KIRREL3: variants seen among roughly 807,000 people sequenced by gnomAD.
The protein encoded by KIRREL3 is kirre like nephrin family adhesion molecule 3, also known as kin of IRRE-like protein 3.
Under a neutral mutation model 89.7 loss-of-function variants are expected in KIRREL3, and 36 were observed. The observed-to-expected ratio is 0.40, with a 90% confidence interval of 0.31 to 0.53. The LOEUF (loss-of-function observed/expected upper bound fraction) is 0.53. KIRREL3 is among the 20% of genes least tolerant of loss of function. The pLI, the probability that KIRREL3 is intolerant of heterozygous loss-of-function variation, is 0.49. For synonymous variants in KIRREL3, 445 were observed against 441.4 expected (o/e 1.01, Z -0.10); for missense variants, 864 against 1,056.6 (o/e 0.82, Z 2.53).
intron 2 of KIRREL3, among the ~76,000 whole-genome samples, chr11:126,545,312 G>C (rs1363837147): frequency 6.6e-6 from 1 of 152,166 alleles, no homozygotes; most frequent in Non-Finnish European, 1.5e-5. Context: ...CTGGCACCAA[G>C]GGGAGCCGTC....
At position 126,441,424 on chromosome 11, in the gene KIRREL3, C is replaced by T. The variant is rs1013794567; in HGVS notation, c.1253-875G>A. ...CCTAACCCAAGTCTTTCCCCTGTGA[C>T]GCCTGCCTGGCCGTGAAAGACAAAA... On this transcript the variant is annotated intron_variant, in intron 10 of 16. Transcript: ENST00000525144. The surrounding 1 kb of genome is among the most constrained non-coding windows in gnomAD (Gnocchi z 5.0). Among the ~76,000 whole-genome samples, 2 of 152,196 alleles carry T rather than the reference C, an allele frequency of 1.3e-5. No homozygotes were observed. The highest frequency in any genetic ancestry group is 2.9e-5 in the Non-Finnish European group (2 of 68,028).
intron 1 of KIRREL3, among the ~76,000 whole-genome samples, chr11:126,880,513 C>T (rs1945456437): frequency 6.6e-6 from 1 of 152,138 alleles, no homozygotes; most frequent in South Asian, 2.1e-4. Flanking sequence ...GCTCAAGTCA[C>T]TTTATTGTAA....
At chr11:126,449,232 C>T in intron 7 of KIRREL3, 75 bp from the exon 8 acceptor site, 1 of 1,544,154 alleles carries the variant, frequency 6.5e-7, no homozygotes, top group Non-Finnish European at 8.8e-7. Context: ...CACATCCATC[C>T]CATGGAAAAA....
intron 1 of KIRREL3, among the ~76,000 whole-genome samples, chr11:126,690,200 T>G (rs1476379362): frequency 1.3e-5 from 2 of 152,130 alleles, no homozygotes; most frequent in African/African-American, 2.4e-5. Context: ...TGGCAGTGAG[T>G]GTTTATGCGC....
At chr11:126,942,945 G>A (rs1223942952) in intron 1 of KIRREL3, among the ~76,000 whole-genome samples, 1 of 152,160 alleles carries the variant, frequency 6.6e-6, no homozygotes, top group Non-Finnish European at 1.5e-5. Context: ...TTAACATGCA[G>A]GCAGTAAAGT....
At chr11:126,980,526 G>T (rs1384309214) in intron 1 of KIRREL3, among the ~76,000 whole-genome samples, 1 of 152,062 alleles carries the variant, frequency 6.6e-6, no homozygotes, top group Non-Finnish European at 1.5e-5. Flanking sequence ...GGTGAAGGGT[G>T]ACTGTGAGAA....
intron 1 of KIRREL3, among the ~76,000 whole-genome samples, chr11:126,638,956 A>G (rs1173333230): frequency 6.6e-6 from 1 of 152,108 alleles, no homozygotes; most frequent in African/African-American, 2.4e-5. Context: ...TTACCACTGC[A>G]TCCCCGGGGG....
At chr11:126,725,107 C>T (rs1286058110) in intron 1 of KIRREL3, among the ~76,000 whole-genome samples, 2 of 152,104 alleles carry the variant, frequency 1.3e-5, no homozygotes, top group Non-Finnish European at 2.9e-5. Flanking sequence ...TGAGAGGTGG[C>T]CAGGAGAAGG....
Position 126,755,693 on chromosome 11 carries a change from T to C in KIRREL3, c.56-192781A>G, listed in dbSNP as rs568600932. Among the ~76,000 whole-genome samples, 2 of 152,230 alleles carry C rather than the reference T, an allele frequency of 1.3e-5. No individual in the cohort carries two copies. Among genetic ancestry groups the C allele is most frequent in the African/African-American group, 4.8e-5 (2 of 41,546 alleles). ...AGAGAGCCCTCCCCTGGCAGCAATCTAATTCCAGCTCTCCTTGTCAGAATG... is the reference window on the plus strand; with the variant it reads ...AGAGAGCCCTCCCCTGGCAGCAATCCAATTCCAGCTCTCCTTGTCAGAATG... On this transcript the variant is annotated intron_variant, in intron 1 of 16. Coordinates refer to ENST00000525144, the MANE Select transcript of KIRREL3 (RefSeq NM_032531.4). This position sits in a 1 kb window ranked among gnomAD's most constrained non-coding sequence, Gnocchi z 4.3.
At position 126,531,969 on chromosome 11, in the gene KIRREL3, T is replaced by C. The variant is rs892925270; in HGVS notation, c.134-5282A>G. On this transcript the variant is annotated intron_variant, in intron 2 of 16. Coordinates refer to ENST00000525144, the MANE Select transcript of KIRREL3 (RefSeq NM_032531.4). The surrounding 1 kb of genome is among the most constrained non-coding windows in gnomAD (Gnocchi z 4.7). ...CATTATGAACTACTAACCCGGCAGA[T>C]ACTGTTCAGAGCACACCACACAGGA... is the stretch of plus-strand genomic sequence containing the variant. Among the ~76,000 whole-genome samples, 1 of 152,168 alleles carries C rather than the reference T, an allele frequency of 6.6e-6. No individual in the cohort carries two copies. The highest frequency in any genetic ancestry group is 1.5e-5 in the Non-Finnish European group (1 of 68,034).
rs148513888 is a variant in KIRREL3 at position 126,432,779 on chromosome 11, G to A, written c.1589-1253C>T. 5.7e-3 allele frequency among the ~76,000 whole-genome samples: 863 copies of A among 152,302 alleles called. 11 individuals are homozygous for A. Among genetic ancestry groups the A allele is most frequent in the African/African-American group, 0.019 (804 of 41,566 alleles). ...CCCCTCTGAGGGTTGTTATGGGCTTGAGCTGGGTGAATGTGGGCAGAGGCC... is the reference window on the plus strand; with the variant it reads ...CCCCTCTGAGGGTTGTTATGGGCTTAAGCTGGGTGAATGTGGGCAGAGGCC... On this transcript the variant is annotated intron_variant, in intron 13 of 16. Transcript: ENST00000525144. This position sits in a 1 kb window ranked among gnomAD's most constrained non-coding sequence, Gnocchi z 6.2.
At chr11:126,933,151 T>C (rs1392539799) in intron 1 of KIRREL3, among the ~76,000 whole-genome samples, 2 of 152,156 alleles carry the variant, frequency 1.3e-5, no homozygotes, top group African/African-American at 4.8e-5. Context: ...GAACAAACCA[T>C]TTCTTCACAG....
rs1236289583 is a variant in KIRREL3 at position 126,463,973 on chromosome 11, A to G, written c.592-666T>C. Among the ~76,000 whole-genome samples, 1 of 152,194 alleles carries G rather than the reference A, an allele frequency of 6.6e-6. No homozygotes were observed. The highest frequency in any genetic ancestry group is 2.4e-5 in the African/African-American group (1 of 41,448). On this transcript the variant is annotated intron_variant, in intron 5 of 16. Transcript: ENST00000525144. The surrounding 1 kb of genome is among the most constrained non-coding windows in gnomAD (Gnocchi z 5.9). ...GAAATAGGTGGGCTAGACAGAGGCTATGGAGCTTGACCAAACTCACATTTC... is the reference window on the plus strand; with the variant it reads ...GAAATAGGTGGGCTAGACAGAGGCTGTGGAGCTTGACCAAACTCACATTTC...
chr11:126,667,196 G>T (rs1430260368), intron 1 of KIRREL3, among the ~76,000 whole-genome samples: 1 of 152,218 alleles, frequency 6.6e-6, no homozygotes, highest in African/African-American at 2.4e-5. Flanking sequence ...CAGAGAATGT[G>T]CCACTAATGA....
chr11:126,573,267 TG>T (rs1329123354), intron 1 of KIRREL3, among the ~76,000 whole-genome samples: 2 of 152,170 alleles, frequency 1.3e-5, no homozygotes, highest in Non-Finnish European at 2.9e-5. Context: ...GCACCTTCAC[TG>T]GGGTGGAAGG....
intron 1 of KIRREL3, among the ~76,000 whole-genome samples, chr11:126,840,974 A>G (rs1943946187): frequency 6.6e-6 from 1 of 152,280 alleles, no homozygotes. Context: ...GCTAACATCT[A>G]TAGTAAGAAT....
chr11:126,453,694 C>T (rs959289358), intron 7 of KIRREL3, among the ~76,000 whole-genome samples: 5 of 152,184 alleles, frequency 3.3e-5, no homozygotes, highest in Non-Finnish European at 5.9e-5. Flanking sequence ...TCCGCCTCCT[C>T]CCTTCCCAGG....
intron 13 of KIRREL3, 72 bp downstream of exon 13, chr11:126,435,196 G>A (rs756976780): frequency 7.2e-6 from 11 of 1,532,336 alleles, no homozygotes; most frequent in Non-Finnish European, 9.0e-6. Context: ...CCCCCTGCTG[G>A]GTTCCCTCCC....
At chr11:126,790,205 G>A (rs147445516) in intron 1 of KIRREL3, among the ~76,000 whole-genome samples, 49 of 152,232 alleles carry the variant, frequency 3.2e-4, no homozygotes, top group South Asian at 6.2e-4. Flanking sequence ...CTCTCTTTCC[G>A]CAATCTGAGG....
Sources: gnomAD v4.1 joint callset for allele counts (sites outside exome capture counted in the v4.1 genomes callset) on GRCh38, gnomAD v4.1.1 for gene constraint, Gnocchi (gnomAD v3.1) non-coding constraint, MANE v1.5 for transcripts, NCBI Gene and HGNC (gene_info 2026-07-23, HGNC 2026-07-21) for gene names.